LINGO2: variants seen among roughly 807,000 people sequenced by gnomAD.
LINGO2 encodes the protein leucine-rich repeat and immunoglobulin-like domain-containing nogo receptor-interacting protein 2.
Under a neutral mutation model 30.6 loss-of-function variants are expected in LINGO2, and 14 were observed. The ratio of observed to expected loss-of-function variants is 0.46; its 90% CI spans 0.30 to 0.72. The LOEUF is 0.72. Among genes scored for constraint, LINGO2 ranks in the 30% least tolerant of loss-of-function variants. The pLI, the probability that LINGO2 is intolerant of heterozygous loss-of-function variation, is 0.07. For missense variants in LINGO2, 729 were observed against 751.7 expected (o/e 0.97, Z 0.35); for synonymous variants, 317 against 288.5 (o/e 1.10, Z -1.00).
At chr9:28,012,469 A>G (rs2119262786) in intron 4 of LINGO2, 1 of 152,000 alleles carries the variant, frequency 6.6e-6, no homozygotes, top group Admixed American at 6.6e-5. Context: ...AACCTTCTCT[A>G]CTGCCTTTCT....
the LINGO2 span, among the ~76,000 whole-genome samples, chr9:29,002,265 T>C: frequency 6.6e-6 from 1 of 152,062 alleles, no homozygotes; most frequent in Admixed American, 6.6e-5. Context: ...CTTGATTATA[T>C]ATCCCAAGAA....
chr9:28,137,316 T>A lies in LINGO2; in HGVS notation c.-86-124911A>T, dbSNP rs1048423146. Reference sequence around the variant, plus strand: ...TACAAGTTGAATGTCAGTTGTAATATCTAATTAAATATTTATTAATTTAAC... The same window carrying A: ...TACAAGTTGAATGTCAGTTGTAATAACTAATTAAATATTTATTAATTTAAC... On this transcript the variant is annotated intron_variant, in intron 4 of 5. Coordinates refer to ENST00000379992, the Ensembl canonical transcript of LINGO2. 4.6e-5 allele frequency among the ~76,000 whole-genome samples: 7 copies of A among 152,228 alleles called. No individual in the cohort carries two copies. The South Asian group carries it at 1.2e-3, about 27-fold the overall frequency.
chr9:28,249,582 T>C (rs1208891747), intron 4 of LINGO2, among the ~76,000 whole-genome samples: 2 of 152,090 alleles, frequency 1.3e-5, no homozygotes, highest in Non-Finnish European at 2.9e-5. Context: ...GTTGATTGAG[T>C]AATCAAATTC....
the LINGO2 span, among the ~76,000 whole-genome samples, chr9:28,805,871 A>G: frequency 3.3e-5 from 5 of 152,188 alleles, no homozygotes; most frequent in Admixed American, 3.3e-4. Context: ...CTTATCTAGT[A>G]TAAACACACA....
intron 5 of LINGO2, among the ~76,000 whole-genome samples, chr9:27,984,431 T>C (rs1330406832): frequency 6.6e-6 from 1 of 151,842 alleles, no homozygotes; most frequent in Non-Finnish European, 1.5e-5. Flanking sequence ...AATTGGGTCT[T>C]CTGAACACTG....
intron 4 of LINGO2, among the ~76,000 whole-genome samples, chr9:28,265,545 A>G (rs571699924): frequency 6.6e-6 from 1 of 152,154 alleles, no homozygotes; most frequent in African/African-American, 2.4e-5. Context: ...TTATGTAAGA[A>G]GATATTTTTG....
the LINGO2 span, among the ~76,000 whole-genome samples, chr9:29,076,558 T>C: frequency 6.7e-6 from 1 of 148,882 alleles, no homozygotes; most frequent in African/African-American, 2.4e-5. Flanking sequence ...GAGTGCTGAA[T>C]AGATGGAAAT....
chr9:29,078,071 G>C, the LINGO2 span, among the ~76,000 whole-genome samples: 4 of 151,902 alleles, frequency 2.6e-5, no homozygotes, highest in Non-Finnish European at 5.9e-5. Context: ...TCAGCAGTAA[G>C]CATATACTTA....
At chr9:28,074,745 C>A (rs1825575463) in intron 4 of LINGO2, among the ~76,000 whole-genome samples, 1 of 151,922 alleles carries the variant, frequency 6.6e-6, no homozygotes, top group African/African-American at 2.4e-5. Flanking sequence ...ATTGTAGAAA[C>A]CAATTTTAGT....
the LINGO2 span, among the ~76,000 whole-genome samples, chr9:28,770,981 C>A: frequency 0.048 from 7,374 of 152,244 alleles, 302 homozygotes; most frequent in Admixed American, 0.12. Flanking sequence ...ACAAGGATCA[C>A]TTAACTCTAA....
At chr9:28,090,202 A>C (rs1587832944) in intron 4 of LINGO2, among the ~76,000 whole-genome samples, 3 of 152,210 alleles carry the variant, frequency 2.0e-5, no homozygotes, top group Admixed American at 1.3e-4. Flanking sequence ...AGTCCTCCCT[A>C]ACTCATTTTA....
the LINGO2 span, among the ~76,000 whole-genome samples, chr9:28,938,587 C>T: frequency 6.6e-6 from 1 of 152,130 alleles, no homozygotes. Flanking sequence ...TGGCACAATG[C>T]ATTATCTTTT....
intron 2 of LINGO2, among the ~76,000 whole-genome samples, chr9:28,444,438 G>A (rs140319356): frequency 5.9e-5 from 9 of 152,332 alleles, no homozygotes; most frequent in Non-Finnish European, 1.2e-4. Context: ...CGAGGCAGCA[G>A]GACTAAAAGA....
chr9:28,216,300 T>C (rs1180695857), intron 4 of LINGO2, among the ~76,000 whole-genome samples: 1 of 151,978 alleles, frequency 6.6e-6, no homozygotes, highest in African/African-American at 2.4e-5. Flanking sequence ...GATAAAATTT[T>C]GGACCTTTTA....
At chr9:28,777,751 A>C in the LINGO2 span, among the ~76,000 whole-genome samples, 1 of 152,136 alleles carries the variant, frequency 6.6e-6, no homozygotes, top group Non-Finnish European at 1.5e-5. Flanking sequence ...TAAATTTGTG[A>C]CCCATCAGTG....
chr9:27,971,877 A>G (rs1364595871), intron 5 of LINGO2, among the ~76,000 whole-genome samples: 1 of 152,204 alleles, frequency 6.6e-6, no homozygotes, highest in Non-Finnish European at 1.5e-5. Flanking sequence ...TGTAGCAGAC[A>G]GACACATGAA....
the LINGO2 span, among the ~76,000 whole-genome samples, chr9:28,878,500 C>T: frequency 6.6e-6 from 1 of 152,142 alleles, no homozygotes; most frequent in Admixed American, 6.6e-5. Flanking sequence ...AGGCCAGCAT[C>T]ATCCTGATAC....
At chr9:28,016,548 T>C (rs1373792585) in intron 4 of LINGO2, among the ~76,000 whole-genome samples, 1 of 152,044 alleles carries the variant, frequency 6.6e-6, no homozygotes, top group Non-Finnish European at 1.5e-5. Flanking sequence ...GAGACTACTA[T>C]GAACACCTCT....
chr9:29,147,104 T>G, the LINGO2 span, among the ~76,000 whole-genome samples: 1 of 152,260 alleles, frequency 6.6e-6, no homozygotes, highest in Middle Eastern at 3.4e-3. Flanking sequence ...CATGTACACA[T>G]CTGAAATATA....
Sources: gnomAD v4.1 joint callset for allele counts (sites outside exome capture counted in the v4.1 genomes callset) on GRCh38, gnomAD v4.1.1 for gene constraint, MANE v1.5 for transcripts, NCBI Gene and HGNC (gene_info 2026-07-23, HGNC 2026-07-21) for gene names.